Variants in RABL3 observed in about 807,000 individuals in gnomAD.
The protein encoded by RABL3 is RAB, member of RAS oncogene family like 3.
In RABL3, 31 loss-of-function variants were observed where a neutral mutation model predicts 31.8. That is an observed-to-expected ratio of 0.97 (90% confidence interval 0.73 to 1.31). The LOEUF is 1.31. Among genes scored for constraint, RABL3 ranks in the 40% most tolerant of loss-of-function variants. The probability of loss-of-function intolerance (pLI) is 0.00; values close to 1 mark genes in which losing one functional copy is unlikely to be tolerated. For missense variants in RABL3, 263 were observed against 279.6 expected, an observed-to-expected ratio of 0.94 and a Z score of 0.42; for synonymous variants, 97 against 99.9, an observed-to-expected ratio of 0.97 and a Z score of 0.18.
chr3:120,730,791 T>C lies in RABL3; in HGVS notation c.47-4A>G, dbSNP rs1708873991. On this transcript the variant is annotated splice_region_variant and splice_polypyrimidine_tract_variant and intron_variant, in intron 1 of 7. Coordinates refer to ENST00000273375, the MANE Select transcript of RABL3 (RefSeq NM_173825.5). ...ACTAACGAAGATTTCCCAACACCTGTAAGAGATACAAGAACTCTAGTCACA... is the reference window on the plus strand; with the variant it reads ...ACTAACGAAGATTTCCCAACACCTGCAAGAGATACAAGAACTCTAGTCACA... 6.3e-7 allele frequency: 1 copy of C among 1,599,956 alleles called. No homozygotes were observed. The highest frequency in any genetic ancestry group is 8.6e-7 in the Non-Finnish European group (1 of 1,167,360).
At position 120,689,730 on chromosome 3, in the gene RABL3, G is replaced by A. The variant is rs954277908; in HGVS notation, c.*93C>T. 4 of 861,900 alleles carry A rather than the reference G, an allele frequency of 4.6e-6. No individual in the cohort carries two copies. Among genetic ancestry groups the A allele is most frequent in the Admixed American group, 3.9e-5 (2 of 51,418 alleles). 53.4% of individuals were successfully genotyped at this position (861,900 alleles called of 1,614,324 possible). On this transcript the variant is annotated 3_prime_UTR_variant, in exon 8 of 8. Transcript: ENST00000273375. ...AAGGGTAGCATTTTAAGATGATTTT[G>A]TTAAAAGGCTGTGATGGTAATAATT... is the stretch of plus-strand genomic sequence containing the variant.
intron 2 of RABL3, among the ~76,000 whole-genome samples, chr3:120,715,867 G>A (rs1262048709): frequency 1.3e-5 from 2 of 152,110 alleles, no homozygotes; most frequent in Non-Finnish European, 2.9e-5. Context: ...TCCAGGACAA[G>A]TCATGTAGTG....
At chr3:120,707,711 C>T (rs374718913) in intron 3 of RABL3, among the ~76,000 whole-genome samples, 4 of 151,990 alleles carry the variant, frequency 2.6e-5, no homozygotes, top group South Asian at 2.1e-4. Flanking sequence ...GAATTTTGGA[C>T]GGGGGAGTAA....
At chr3:120,689,914 T>C (rs1708359991) in intron 7 of RABL3, 26 bp from the exon 8 acceptor site, 2 of 1,580,310 alleles carry the variant, frequency 1.3e-6, no homozygotes, top group Non-Finnish European at 1.7e-6. Flanking sequence ...ATAATTGCAT[T>C]AAGTCTCAAG....
intron 2 of RABL3, among the ~76,000 whole-genome samples, chr3:120,729,585 A>G (rs971747160): frequency 7.2e-5 from 11 of 152,234 alleles, no homozygotes; most frequent in Non-Finnish European, 2.9e-5. Context: ...ATGAAGGATC[A>G]GGACATTTTG....
At chr3:120,723,255 T>C (rs1446440696) in intron 2 of RABL3, among the ~76,000 whole-genome samples, 1 of 152,176 alleles carries the variant, frequency 6.6e-6, no homozygotes, top group Admixed American at 6.5e-5. Flanking sequence ...CAGGAAGAAG[T>C]TGAACCTCTG....
At chr3:120,708,028 G>A (rs553195362) in intron 3 of RABL3, among the ~76,000 whole-genome samples, 22 of 152,090 alleles carry the variant, frequency 1.4e-4, no homozygotes, top group African/African-American at 5.1e-4. Flanking sequence ...AGAATGTAGG[G>A]TATTAAGGGA....
chr3:120,737,472 C>G (rs1030326489), intron 1 of RABL3, among the ~76,000 whole-genome samples: 3 of 152,214 alleles, frequency 2.0e-5, no homozygotes, highest in Admixed American at 2.0e-4. Flanking sequence ...GTTTGAACTT[C>G]GTCCTTTAGC....
intron 2 of RABL3, among the ~76,000 whole-genome samples, chr3:120,713,704 G>T (rs1708636386): frequency 6.6e-6 from 1 of 151,916 alleles, no homozygotes; most frequent in Admixed American, 6.5e-5. Context: ...CTGCCACTTT[G>T]GACCTTCTCA....
At chr3:120,709,975 C>T (rs546865206) in intron 2 of RABL3, 66 bp from the exon 3 acceptor site, 41 of 1,182,944 alleles carry the variant, frequency 3.5e-5, no homozygotes, top group South Asian at 5.9e-5. Flanking sequence ...ACCCTTATTC[C>T]GGTTTAAAGC....
chr3:120,713,648 A>T (rs572344416), intron 2 of RABL3, among the ~76,000 whole-genome samples: 1 of 152,346 alleles, frequency 6.6e-6, no homozygotes, highest in Admixed American at 6.5e-5. Context: ...AAGCAACAGT[A>T]CAGCTGATCA....
intron 4 of RABL3, among the ~76,000 whole-genome samples, chr3:120,699,929 T>C (rs1226321739): frequency 6.6e-6 from 1 of 152,184 alleles, no homozygotes; most frequent in Non-Finnish European, 1.5e-5. Context: ...TTTGAGAGTG[T>C]CTTTCCTTTA....
chr3:120,725,112 C>CAAAA (rs1277494699), intron 2 of RABL3, among the ~76,000 whole-genome samples: 1 of 150,828 alleles, frequency 6.6e-6, no homozygotes, highest in East Asian at 1.9e-4. Context: ...AAGAAAAAAA[C>CAAAA]AACCCCATCA....
At position 120,688,287 on chromosome 3, in the gene RABL3, G is replaced by A. The variant is rs1708338202; in HGVS notation, c.*1536C>T. ...ACAGCCTATGCAACAACATACTTGT[G>A]ACCAATTCTACATACAGATCATGAT... On this transcript the variant is annotated 3_prime_UTR_variant, in exon 8 of 8. Transcript: ENST00000273375. The A allele has an allele frequency of 6.6e-6, 1 of 152,572 alleles. No homozygotes were observed. Among genetic ancestry groups the A allele is most frequent in the African/African-American group, 2.4e-5 (1 of 41,408 alleles). The allele number at this position is 152,572 out of a possible 1,614,324, so 9.5% of individuals were successfully genotyped here.
In RABL3 at chr3:120,742,347, G is replaced by A. The variant is rs549161007; in HGVS notation, c.46+115C>T. 22 of 962,570 alleles carry A rather than the reference G, an allele frequency of 2.3e-5. No individual in the cohort carries two copies. The East Asian group carries it at 4.2e-4, about 19-fold the overall frequency. The allele number at this position is 962,570 out of a possible 1,614,324, so 59.6% of individuals were successfully genotyped here. ...GGGAAGTGTAGTCTTCAGGCCCTGG[G>A]AGGGACTTCAGCCACGGGCCGAGGA... On this transcript the variant is annotated intron_variant, in intron 1 of 7. Coordinates refer to ENST00000273375, the MANE Select transcript of RABL3 (RefSeq NM_173825.5).
intron 2 of RABL3, among the ~76,000 whole-genome samples, chr3:120,729,803 T>A (rs896577560): frequency 6.6e-6 from 1 of 151,854 alleles, no homozygotes. Context: ...AAAAATCTCA[T>A]AGAAAGTCAA....
intron 2 of RABL3, among the ~76,000 whole-genome samples, chr3:120,712,556 C>A (rs1708624194): frequency 6.6e-6 from 1 of 152,068 alleles, no homozygotes; most frequent in Non-Finnish European, 1.5e-5. Flanking sequence ...CTTCTGGGCC[C>A]AAATCAACCA....
rs1709060257 is a variant in RABL3 at position 120,742,516 on chromosome 3, T to G, written c.-9A>C. ...CGATCCAGGGACGCCATCTTGCCAC[T>G]GCCTTCCCTGGGTTAACGCCTGTTC... On this transcript the variant is annotated 5_prime_UTR_variant, in exon 1 of 8. Coordinates refer to ENST00000273375, the MANE Select transcript of RABL3 (RefSeq NM_173825.5). The G allele has an allele frequency of 6.2e-7, 1 of 1,614,008 alleles. No individual in the cohort carries two copies. Among genetic ancestry groups the G allele is most frequent in the Non-Finnish European group, 8.5e-7 (1 of 1,179,972 alleles).
intron 4 of RABL3, among the ~76,000 whole-genome samples, chr3:120,698,982 C>G (rs2107577611): frequency 6.6e-6 from 1 of 152,220 alleles, no homozygotes; most frequent in Middle Eastern, 3.4e-3. Context: ...AGCAAAAACC[C>G]AAAAGCCTAG....
Sources: allele counts gnomAD v4.1 joint callset (sites outside exome capture counted in the v4.1 genomes callset), GRCh38; gene constraint gnomAD v4.1.1; transcripts MANE v1.5; gene names NCBI Gene and HGNC (gene_info 2026-07-23, HGNC 2026-07-21).